EMC8: variants seen among roughly 807,000 people sequenced by gnomAD.
EMC8 encodes ER membrane protein complex subunit 8.
A neutral mutation model predicts 24.3 loss-of-function variants in EMC8; 11 were observed. That is an observed-to-expected ratio of 0.45 (90% CI 0.28 to 0.75). EMC8 has a LOEUF of 0.75. Among genes scored for constraint, EMC8 ranks in the 30% least tolerant of loss-of-function variants. EMC8 has a pLI of 0.12. For synonymous variants in EMC8, 145 were observed against 117.7 expected (o/e 1.23, Z -1.50); for missense variants, 277 against 282.7 (o/e 0.98, Z 0.14).
chr16:85,791,001 A>T (rs999445514), intron 1 of EMC8, among the ~76,000 whole-genome samples: 1 of 152,014 alleles, frequency 6.6e-6, no homozygotes, highest in South Asian at 2.1e-4. Context: ...TAATTTTTAA[A>T]TTTTTTGTAG....
At chr16:85,784,008 TC>T (rs1904634249) in intron 2 of EMC8, among the ~76,000 whole-genome samples, 1 of 152,178 alleles carries the variant, frequency 6.6e-6, no homozygotes, top group East Asian at 1.9e-4. Flanking sequence ...TCTTTTTTTT[TC>T]TTTTTTTGAG....
chr16:85,794,267 A>C (rs1269899853), intron 1 of EMC8, among the ~76,000 whole-genome samples: 1 of 152,206 alleles, frequency 6.6e-6, no homozygotes, highest in Non-Finnish European at 1.5e-5. Flanking sequence ...CTGAAGTACA[A>C]AATTTGTGGA....
At chr16:85,790,977 C>T (rs1364592087) in intron 1 of EMC8, among the ~76,000 whole-genome samples, 1 of 152,102 alleles carries the variant, frequency 6.6e-6, no homozygotes, top group Non-Finnish European at 1.5e-5. Context: ...CAGGTGTGCG[C>T]CATCCTGTCT....
chr16:85,788,073 G>A lies in EMC8; in HGVS notation c.308+901C>T, dbSNP rs551636209. On this transcript the variant is annotated intron_variant, in intron 2 of 4. Transcript: ENST00000253457. Reference sequence around the variant, plus strand: ...TGACAACATGAGGAAGCCACGTCAGGGCAGCCTGACGCATGCCCGTTATAT... The same window carrying A: ...TGACAACATGAGGAAGCCACGTCAGAGCAGCCTGACGCATGCCCGTTATAT... Among the ~76,000 whole-genome samples the A allele has an allele frequency of 1.4e-3, 206 of 152,294 alleles. 1 individual carries two copies. The highest frequency in any genetic ancestry group is 4.5e-3 in the African/African-American group (189 of 41,572).
Position 85,779,574 on chromosome 16 carries a change from T to C in EMC8, c.*134A>G. 1 of 900,970 alleles carries C rather than the reference T, an allele frequency of 1.1e-6. No homozygotes were observed. The highest frequency in any genetic ancestry group is 2.1e-5 in the Admixed American group (1 of 47,426). 55.8% of individuals were successfully genotyped at this position (900,970 alleles called of 1,614,324 possible). A position where few individuals can be genotyped will look rare whatever the true frequency, so the allele number is the denominator to read the frequency against. On this transcript the variant is annotated 3_prime_UTR_variant, in exon 5 of 5. Coordinates refer to ENST00000253457, the MANE Select transcript of EMC8 (RefSeq NM_006067.5). The stretch of plus-strand genomic sequence containing the variant: ...ACGACCGACTGAACATTCTGCCCCC[T>C]TTCAAGGCACATGCCACTTCTTAAA...
chr16:85,791,203 T>C (rs942443283), intron 1 of EMC8, among the ~76,000 whole-genome samples: 17 of 152,338 alleles, frequency 1.1e-4, no homozygotes, highest in African/African-American at 4.1e-4. Context: ...ATGATTGTTT[T>C]TCTTAGAATT....
chr16:85,785,718 G>A (rs1291865252), intron 2 of EMC8, among the ~76,000 whole-genome samples: 7 of 152,280 alleles, frequency 4.6e-5, no homozygotes, highest in Non-Finnish European at 8.8e-5. Flanking sequence ...CCACGCTGTG[G>A]TTCCTGCTAG....
chr16:85,787,111 A>G (rs1904790039), intron 2 of EMC8, among the ~76,000 whole-genome samples: 1 of 152,148 alleles, frequency 6.6e-6, no homozygotes, highest in Non-Finnish European at 1.5e-5. Context: ...GCTTCTGAGC[A>G]CAGAGGAGCC....
At position 85,799,019 on chromosome 16, in the gene EMC8, G is replaced by T; in HGVS notation, c.231+46C>A. On this transcript the variant is annotated intron_variant, in intron 1 of 4. Coordinates refer to ENST00000253457, the MANE Select transcript of EMC8 (RefSeq NM_006067.5). The surrounding 1 kb of genome is among the most constrained non-coding windows in gnomAD (Gnocchi z 4.2). ...CCAGCTTCCTCTCTGCTGACTGAGG[G>T]GAGGCCAGGCTGCCTGCAAGGGGAA... 3.0e-6 allele frequency: 4 copies of T among 1,327,904 alleles called. No individual in the cohort carries two copies. The highest frequency in any genetic ancestry group is 3.1e-6 in the Non-Finnish European group (3 of 960,626). The allele number at this position is 1,327,904 out of a possible 1,614,324, so 82.3% of individuals were successfully genotyped here. A position where few individuals can be genotyped will look rare whatever the true frequency, so the allele number is the denominator to read the frequency against.
intron 1 of EMC8, among the ~76,000 whole-genome samples, chr16:85,797,909 C>G (rs1328531706): frequency 1.3e-5 from 2 of 152,174 alleles, no homozygotes; most frequent in African/African-American, 4.8e-5. Context: ...GTTTTAACAA[C>G]TCGATGGAAT....
intron 1 of EMC8, among the ~76,000 whole-genome samples, chr16:85,796,192 C>T (rs902346622): frequency 2.0e-5 from 3 of 152,094 alleles, no homozygotes; most frequent in African/African-American, 7.2e-5. Flanking sequence ...TAACATACCC[C>T]AAACAGAAGT....
chr16:85,788,846 C>A, intron 2 of EMC8, 128 bp downstream of exon 2: 1 of 713,774 alleles, frequency 1.4e-6, no homozygotes, highest in Non-Finnish European at 2.5e-6. Flanking sequence ...TCAAATACTA[C>A]AAATAAGCAC....
At chr16:85,784,621 G>C (rs1054592493) in intron 2 of EMC8, 8 of 152,174 alleles carry the variant, frequency 5.3e-5, no homozygotes, top group South Asian at 4.2e-4. Flanking sequence ...GTGGCTCCTA[G>C]CGCAGAGGGA....
At chr16:85,781,376 C>T (rs1282025651) in intron 2 of EMC8, 96 bp from the exon 3 acceptor site, 4 of 840,400 alleles carry the variant, frequency 4.8e-6, no homozygotes, top group Non-Finnish European at 8.2e-6. Flanking sequence ...CAAGCAATGA[C>T]AGAAAGACTG....
At chr16:85,780,797 T>C (rs1488259955) in intron 3 of EMC8, 1 of 464,774 alleles carries the variant, frequency 2.2e-6, no homozygotes, top group African/African-American at 2.0e-5. Flanking sequence ...GGACCTTCCT[T>C]CCCTGTGCCC....
intron 3 of EMC8, 175 bp downstream of exon 3, chr16:85,781,036 C>A: frequency 3.4e-6 from 2 of 594,700 alleles, no homozygotes; most frequent in Non-Finnish European, 6.0e-6. Flanking sequence ...AGCACAGAAG[C>A]CATGGCCTGG....
intron 1 of EMC8, among the ~76,000 whole-genome samples, chr16:85,791,408 C>G (rs1211267684): frequency 6.6e-6 from 1 of 152,138 alleles, no homozygotes; most frequent in South Asian, 2.1e-4. Flanking sequence ...CCTACCAACC[C>G]GTCACCTAGG....
intron 1 of EMC8, among the ~76,000 whole-genome samples, chr16:85,792,160 C>T (rs974581385): frequency 6.6e-6 from 1 of 152,170 alleles, no homozygotes; most frequent in Admixed American, 6.5e-5. Context: ...ACTCTCAGAG[C>T]ACAGAAACCA....
chr16:85,783,578 C>A (rs1344577151), intron 2 of EMC8, among the ~76,000 whole-genome samples: 1 of 152,224 alleles, frequency 6.6e-6, no homozygotes, highest in African/African-American at 2.4e-5. Flanking sequence ...CCACTGCCTG[C>A]AAGATGAAGG....
Sources: allele counts gnomAD v4.1 joint callset (sites outside exome capture counted in the v4.1 genomes callset), GRCh38; gene constraint gnomAD v4.1.1; non-coding constraint Gnocchi (gnomAD v3.1); transcripts MANE v1.5; gene names NCBI Gene and HGNC (gene_info 2026-07-23, HGNC 2026-07-21).